CASP8: variants seen among roughly 807,000 people sequenced by gnomAD.
CASP8 encodes caspase-8.
CASP8 carries 24 observed loss-of-function variants against 46.3 expected under a neutral mutation model. The observed-to-expected ratio is 0.52, with a 90% CI of 0.38 to 0.73. The LOEUF is 0.73. CASP8 is among the 30% of genes least tolerant of loss of function. The probability of loss-of-function intolerance (pLI) is 0.00; values close to 1 mark genes in which losing one functional copy is unlikely to be tolerated. For synonymous variants in CASP8, 188 were observed against 200.4 expected (o/e 0.94, Z 0.52); for missense variants, 460 against 559.0 (o/e 0.82, Z 1.79).
At chr2:201,268,509 C>A (rs1947987472) in intron 2 of CASP8, among the ~76,000 whole-genome samples, 1 of 152,030 alleles carries the variant, frequency 6.6e-6, no homozygotes, top group Non-Finnish European at 1.5e-5. Context: ...TGAGATTATG[C>A]CATTGCACTC....
At chr2:201,281,803 TA>T in intron 7 of CASP8, 1 of 1,370,512 alleles carries the variant, frequency 7.3e-7, no homozygotes, top group Non-Finnish European at 9.7e-7. Context: ...AGACCAACAA[TA>T]ACACTCTCTC....
chr2:201,258,346 TCGGAG>T (rs749203863), upstream of CASP8: 2 of 1,614,072 alleles, frequency 1.2e-6, no homozygotes, highest in Non-Finnish European at 1.7e-6. Context: ...GTTAGGGGAC[TCGGAG>T]ACTGCGATGG....
Position 201,270,720 on chromosome 2 carries a change from T to TG in CASP8, c.306-792dup, listed in dbSNP as rs990325719. ...AATTTTTAAATGTTTTTGGTAGAGA[T>TG]GGGGTCTTGCTATGTTGCCCAGGCT... On this transcript the variant is annotated intron_variant, in intron 2 of 8. Coordinates refer to ENST00000673742, the MANE Select transcript of CASP8 (RefSeq NM_001372051.1). Among the ~76,000 whole-genome samples the TG allele has an allele frequency of 3.2e-4, 49 of 151,980 alleles. 1 individual carries two copies. Among genetic ancestry groups the TG allele is most frequent in the African/African-American group, 1.1e-3 (47 of 41,364 alleles).
rs13389744 is a variant in CASP8 at position 201,285,463 on chromosome 2, G to C, written c.1304+146G>C. ...AACAGGTCAGAGAACTGTCCAAGGGGAGTGGTTTCCGTTCAACTCTAAATG... is the reference window on the plus strand; with the variant it reads ...AACAGGTCAGAGAACTGTCCAAGGGCAGTGGTTTCCGTTCAACTCTAAATG... On this transcript the variant is annotated intron_variant, in intron 8 of 8. Transcript: ENST00000673742. 2,506 of 1,011,658 alleles carry C rather than the reference G, an allele frequency of 2.5e-3. 40 individuals are homozygous for C. The African/African-American group carries it at 0.033, about 14-fold the overall frequency. 62.7% of individuals were successfully genotyped at this position (1,011,658 alleles called of 1,614,324 possible).
In CASP8 at chr2:201,266,320, G is replaced by C; in HGVS notation, c.-26-141G>C. 1 of 685,198 alleles carries C rather than the reference G, an allele frequency of 1.5e-6. No individual in the cohort carries two copies. Among genetic ancestry groups the C allele is most frequent in the South Asian group, 1.8e-5 (1 of 56,352 alleles). 42.4% of individuals were successfully genotyped at this position (685,198 alleles called of 1,614,324 possible). The stretch of plus-strand genomic sequence containing the variant: ...GTCTACCTTCCTAAACAGTAAGAGG[G>C]AACTTGTCTGGTGTTCTTTTTTTCT... On this transcript the variant is annotated intron_variant, in intron 1 of 8. Transcript: ENST00000673742. This position sits in a 1 kb window ranked among gnomAD's most constrained non-coding sequence, Gnocchi z 5.7.
intron 2 of CASP8, among the ~76,000 whole-genome samples, chr2:201,249,736 AAAAG>A (rs1324391586): frequency 1.3e-5 from 2 of 152,186 alleles, no homozygotes; most frequent in African/African-American, 2.4e-5. Context: ...GAAAGAAAAA[AAAAG>A]AAAGAGCAGA....
At position 201,272,594 on chromosome 2, in the gene CASP8, T is replaced by C. The variant is rs574776226; in HGVS notation, c.412-44T>C. On this transcript the variant is annotated intron_variant, in intron 3 of 8. Transcript: ENST00000673742. This position sits in a 1 kb window ranked among gnomAD's most constrained non-coding sequence, Gnocchi z 4.4. Reference sequence around the variant, plus strand: ...AAAAAAAATCTAATCTAAAAACCAGTAGGGCTCAATCCAGATTCCCAACTT... The same window carrying C: ...AAAAAAAATCTAATCTAAAAACCAGCAGGGCTCAATCCAGATTCCCAACTT... 11 of 1,609,762 alleles carry C rather than the reference T, an allele frequency of 6.8e-6. No homozygotes were observed. The African/African-American group carries it at 1.2e-4, about 18-fold the overall frequency.
intron 1 of CASP8, among the ~76,000 whole-genome samples, chr2:201,264,945 G>T (rs994984736): frequency 6.6e-6 from 1 of 152,200 alleles, no homozygotes; most frequent in Non-Finnish European, 1.5e-5. Context: ...AGGGCTGGGG[G>T]CCAGCTCCCT....
At chr2:201,280,670 T>C (rs1948943206) in intron 7 of CASP8, among the ~76,000 whole-genome samples, 1 of 152,124 alleles carries the variant, frequency 6.6e-6, no homozygotes, top group Non-Finnish European at 1.5e-5. Context: ...GAGGAAGTCA[T>C]AGATGGAGGA....
chr2:201,260,400 C>T (rs936988550), upstream of CASP8: 3 of 306,904 alleles, frequency 9.8e-6, no homozygotes, highest in Non-Finnish European at 1.4e-5. Flanking sequence ...CTTTTTCCTG[C>T]AGCTTTAGAA....
chr2:201,258,352 A>G, upstream of CASP8: 1 of 1,613,598 alleles, frequency 6.2e-7, no homozygotes, highest in East Asian at 2.2e-5. Context: ...GGACTCGGAG[A>G]CTGCGATGGT....
chr2:201,285,315 TCGGTAAGTTTTGCCTA>T lies in CASP8; in HGVS notation c.1304_1304+15del. The T allele has an allele frequency of 6.2e-7, 1 of 1,613,220 alleles. No individual in the cohort carries two copies. Among genetic ancestry groups the T allele is most frequent in the Non-Finnish European group, 8.5e-7 (1 of 1,180,034 alleles). Reference sequence around the variant, plus strand: ...GCCAGAGCCTGAGAGAGCGATGTCCTCGGTAAGTTTTGCCTACTCAGCCCTCCTCACTGTTACACTA... The same window carrying T: ...GCCAGAGCCTGAGAGAGCGATGTCCTCTCAGCCCTCCTCACTGTTACACTA... On this transcript the variant is annotated splice_donor_variant and splice_donor_5th_base_variant and coding_sequence_variant and intron_variant, in exon 8 of 9. Coordinates refer to ENST00000673742, the MANE Select transcript of CASP8 (RefSeq NM_001372051.1). LOFTEE classifies it high-confidence loss of function.
At position 201,284,932 on chromosome 2, in the gene CASP8, A is replaced by G. The variant is rs148960588; in HGVS notation, c.919A>G (p.Met307Val). Residue 307 changes from methionine (M) to valine (V), a missense_variant, in exon 8 of 9, where the codon ATG becomes GTG. Met to Val is a conservative substitution (Grantham distance 21, BLOSUM62 1). Transcript: ENST00000673742. ...KIYQLMDHSN[M>V]DCFICCILSH... ...CTACCAACTCATGGACCACAGTAAC[A>G]TGGACTGCTTCATCTGCTGTATCCT... The G allele has an allele frequency of 2.4e-5, 38 of 1,614,040 alleles. No individual in the cohort carries two copies. The highest frequency in any genetic ancestry group is 3.1e-5 in the Non-Finnish European group (37 of 1,180,052).
intron 7 of CASP8, among the ~76,000 whole-genome samples, chr2:201,279,357 T>A (rs1948852899): frequency 6.6e-6 from 1 of 152,170 alleles, no homozygotes. Flanking sequence ...ACAGAGAGAC[T>A]GAAGAAAACC....
chr2:201,237,900 G>A (rs1946123027), intron 2 of CASP8, among the ~76,000 whole-genome samples: 1 of 152,202 alleles, frequency 6.6e-6, no homozygotes, highest in Admixed American at 6.5e-5. Flanking sequence ...CCAGCTAGGG[G>A]AAAAATGGGA....
At chr2:201,258,312 T>C, upstream of CASP8, 1 of 1,614,150 alleles carries the variant, frequency 6.2e-7, no homozygotes, top group Non-Finnish European at 8.5e-7. Flanking sequence ...CCCCCTTCCC[T>C]GCTGAGCACG....
intron 2 of CASP8, among the ~76,000 whole-genome samples, chr2:201,245,627 C>T (rs1946478062): frequency 6.6e-6 from 1 of 152,204 alleles, no homozygotes; most frequent in South Asian, 2.1e-4. Context: ...GCTTCCACTT[C>T]CTTATCATAG....
chr2:201,261,200 T>C (rs1366486519), intron 1 of CASP8, among the ~76,000 whole-genome samples: 2 of 152,102 alleles, frequency 1.3e-5, no homozygotes, highest in African/African-American at 2.4e-5. Flanking sequence ...GAGACCAGCT[T>C]GACCAACATG....
At chr2:201,255,280 G>A (rs1212282683) in intron 2 of CASP8, among the ~76,000 whole-genome samples, 1 of 152,146 alleles carries the variant, frequency 6.6e-6, no homozygotes, top group Non-Finnish European at 1.5e-5. Flanking sequence ...GTTTTGCCAT[G>A]TTGGCTAGGC....
Sources: gnomAD v4.1 joint callset for allele counts (sites outside exome capture counted in the v4.1 genomes callset) on GRCh38, gnomAD v4.1.1 for gene constraint, Gnocchi (gnomAD v3.1) non-coding constraint, MANE v1.5 for transcripts, NCBI Gene and HGNC (gene_info 2026-07-23, HGNC 2026-07-21) for gene names.